Variants in DPYD observed in about 807,000 individuals in gnomAD.
The protein encoded by DPYD is dihydropyrimidine dehydrogenase [NADP(+)].
DPYD carries 109 observed loss-of-function variants against 116.2 expected under a neutral mutation model. The ratio of observed to expected loss-of-function variants is 0.94; its 90% CI spans 0.80 to 1.10. DPYD has a LOEUF of 1.10. DPYD is among the 50% of genes least tolerant of loss of function. The pLI, the probability that DPYD is intolerant of heterozygous loss-of-function variation, is 0.00. For missense variants in DPYD, 1,302 were observed against 1,254.5 expected, an observed-to-expected ratio of 1.04 and a Z score of -0.57; for synonymous variants, 440 against 432.0, an observed-to-expected ratio of 1.02 and a Z score of -0.23.
chr1:97,183,260 C>G (rs1010125176), intron 20 of DPYD, among the ~76,000 whole-genome samples: 2 of 151,960 alleles, frequency 1.3e-5, no homozygotes, highest in African/African-American at 4.8e-5. Context: ...TTTTTTATAT[C>G]ACATATTTAA....
At chr1:97,107,651 C>A (rs1343695656) in intron 20 of DPYD, among the ~76,000 whole-genome samples, 1 of 151,972 alleles carries the variant, frequency 6.6e-6, no homozygotes, top group Non-Finnish European at 1.5e-5. Flanking sequence ...TAAAGAATAT[C>A]CATGAGTTGG....
chr1:97,135,340 G>C (rs1446445224), intron 20 of DPYD, among the ~76,000 whole-genome samples: 2 of 152,134 alleles, frequency 1.3e-5, no homozygotes, highest in African/African-American at 4.8e-5. Context: ...GGAGCAAAGT[G>C]TTGTCTCTTA....
rs115524013 is a variant in DPYD at position 97,817,399 on chromosome 1, T to C, written c.233+10715A>G. 3.9e-3 allele frequency among the ~76,000 whole-genome samples: 593 copies of C among 152,186 alleles called. 2 individuals carry two copies. The highest frequency in any genetic ancestry group is 0.012 in the African/African-American group (509 of 41,556). ...ACATCATAATAACCTGTAGAAATGC[T>C]GGATAAGAAATTGTATTAATTATCT... On this transcript the variant is annotated intron_variant, in intron 3 of 22. Transcript: ENST00000370192.
At position 97,369,607 on chromosome 1, in the gene DPYD, G is replaced by A. The variant is rs7515904; in HGVS notation, c.2058+3954C>T. ...AACAAAAACTCAACCGGCTTCAGAG[G>A]GTTGTTGGGAGGGAATGGAAGAAGA... is the stretch of plus-strand genomic sequence containing the variant. On this transcript the variant is annotated intron_variant, in intron 16 of 22. Coordinates refer to ENST00000370192, the MANE Select transcript of DPYD (RefSeq NM_000110.4). Among the ~76,000 whole-genome samples the A allele has an allele frequency of 2.6e-5, 4 of 151,958 alleles. No homozygotes were observed. In the East Asian group the frequency reaches 7.8e-4, roughly 29 times the overall value.
In DPYD at chr1:97,782,145, T is replaced by A. The variant is rs925452765; in HGVS notation, c.234-41666A>T. On this transcript the variant is annotated intron_variant, in intron 3 of 22. Coordinates refer to ENST00000370192, the MANE Select transcript of DPYD (RefSeq NM_000110.4). ...AAGTAAACTCAGACACCTTTTTCTGTTCTCTCTCTTCCTCATCCTCTCACA... is the reference window on the plus strand; with the variant it reads ...AAGTAAACTCAGACACCTTTTTCTGATCTCTCTCTTCCTCATCCTCTCACA... 2.6e-5 allele frequency among the ~76,000 whole-genome samples: 4 copies of A among 152,168 alleles called. No individual in the cohort carries two copies. The East Asian group carries it at 7.7e-4, about 29-fold the overall frequency.
intron 20 of DPYD, among the ~76,000 whole-genome samples, chr1:97,100,366 CAT>C (rs1316539579): frequency 3.3e-5 from 5 of 151,980 alleles, no homozygotes; most frequent in Non-Finnish European, 7.4e-5. Flanking sequence ...CACACGTCCA[CAT>C]GATATAAATC....
intron 3 of DPYD, among the ~76,000 whole-genome samples, chr1:97,743,954 G>C (rs1001039427): frequency 5.3e-5 from 8 of 152,052 alleles, no homozygotes; most frequent in Non-Finnish European, 1.2e-4. Context: ...ACATAAAGAA[G>C]TATATTTGAT....
At chr1:97,586,659 A>C (rs1478846149) in intron 10 of DPYD, among the ~76,000 whole-genome samples, 1 of 151,550 alleles carries the variant, frequency 6.6e-6, no homozygotes, top group Non-Finnish European at 1.5e-5. Context: ...TAAAATATGT[A>C]ATCTTAAATG....
intron 13 of DPYD, among the ~76,000 whole-genome samples, chr1:97,469,446 C>T (rs1384239728): frequency 7.7e-6 from 1 of 130,238 alleles, no homozygotes; most frequent in Non-Finnish European, 1.6e-5. Context: ...AAATAAAATG[C>T]CAGTATTTCC....
intron 6 of DPYD, among the ~76,000 whole-genome samples, 185 bp from the exon 7 acceptor site, chr1:97,691,983 G>A (rs542858843): frequency 4.6e-5 from 7 of 152,044 alleles, no homozygotes; most frequent in East Asian, 1.9e-4. Flanking sequence ...AACATGTTAC[G>A]TGGAGTGAAG....
At position 97,532,080 on chromosome 1, in the gene DPYD, C is replaced by T. The variant is rs903840293; in HGVS notation, c.1525-16139G>A. ...TGTCCTCTGCAAATAGTTAATTTTT[C>T]TTCTTGTTATCTGATATGGATGCCT... On this transcript the variant is annotated intron_variant, in intron 12 of 22. Transcript: ENST00000370192. 5.3e-5 allele frequency among the ~76,000 whole-genome samples: 8 copies of T among 151,832 alleles called. No homozygotes were observed. In the South Asian group the frequency reaches 1.0e-3, roughly 20 times the overall value.
chr1:97,644,094 A>G (rs1279862909), intron 8 of DPYD, among the ~76,000 whole-genome samples: 1 of 152,010 alleles, frequency 6.6e-6, no homozygotes, highest in Admixed American at 6.6e-5. Flanking sequence ...AAAAAAAGAA[A>G]ATTGTATTTT....
At chr1:97,816,785 C>T (rs1668631483) in intron 3 of DPYD, among the ~76,000 whole-genome samples, 1 of 152,120 alleles carries the variant, frequency 6.6e-6, no homozygotes, top group Non-Finnish European at 1.5e-5. Flanking sequence ...TTCCTAATCA[C>T]ACTAATTACT....
chr1:97,122,110 A>G (rs980795531), intron 20 of DPYD, among the ~76,000 whole-genome samples: 2 of 152,178 alleles, frequency 1.3e-5, no homozygotes, highest in Non-Finnish European at 2.9e-5. Context: ...TGTTAAGGGA[A>G]GCAGAATGCA....
chr1:97,740,756 C>T (rs1285923673), intron 3 of DPYD, among the ~76,000 whole-genome samples: 1 of 151,692 alleles, frequency 6.6e-6, no homozygotes, highest in Non-Finnish European at 1.5e-5. Context: ...TAGGACATAC[C>T]ATTCCCTCAC....
At chr1:97,635,392 G>C (rs1348011220) in intron 8 of DPYD, among the ~76,000 whole-genome samples, 1 of 152,120 alleles carries the variant, frequency 6.6e-6, no homozygotes, top group Non-Finnish European at 1.5e-5. Context: ...GGGGTGGCCA[G>C]GGTGCAGTTC....
chr1:97,902,495 C>A (rs1336279041), intron 1 of DPYD, among the ~76,000 whole-genome samples: 1 of 151,690 alleles, frequency 6.6e-6, no homozygotes, highest in African/African-American at 2.4e-5. Flanking sequence ...TCTTTAATTT[C>A]CATAGGAAAG....
At chr1:97,311,841 T>C (rs1667539613) in intron 16 of DPYD, among the ~76,000 whole-genome samples, 1 of 151,862 alleles carries the variant, frequency 6.6e-6, no homozygotes, top group Non-Finnish European at 1.5e-5. Context: ...ACAATATAAT[T>C]TGATTCATAT....
At chr1:97,854,540 G>A (rs1267798491) in intron 2 of DPYD, among the ~76,000 whole-genome samples, 1 of 152,128 alleles carries the variant, frequency 6.6e-6, no homozygotes, top group African/African-American at 2.4e-5. Flanking sequence ...TTAAGATTCT[G>A]AACACTAGCA....
Sources: gnomAD v4.1 joint callset for allele counts (sites outside exome capture counted in the v4.1 genomes callset) on GRCh38, gnomAD v4.1.1 for gene constraint, MANE v1.5 for transcripts, NCBI Gene and HGNC (gene_info 2026-07-23, HGNC 2026-07-21) for gene names.